ZBTB38: variants seen among roughly 807,000 people sequenced by gnomAD.
The protein encoded by ZBTB38 is zinc finger and BTB domain containing 38.
A neutral mutation model predicts 76.8 loss-of-function variants in ZBTB38; 20 were observed. That is an observed-to-expected ratio of 0.26 (90% CI 0.18 to 0.38). The LOEUF is 0.38. ZBTB38 is among the 10% of genes least tolerant of loss of function. The pLI is 1.00. For missense variants in ZBTB38, 1,082 were observed against 1,482.3 expected, an observed-to-expected ratio of 0.73 and a Z score of 4.43; for synonymous variants, 504 against 544.2, an observed-to-expected ratio of 0.93 and a Z score of 1.03.
chr3:141,443,254 AC>A lies in ZBTB38; in HGVS notation c.867del (p.Leu290Ter). On this transcript the variant is annotated frameshift_variant, in exon 6 of 6. Coordinates refer to ENST00000321464, the MANE Select transcript of ZBTB38 (RefSeq NM_001376113.1). LOFTEE classifies it high-confidence loss of function. This position sits in a 1 kb window ranked among gnomAD's most constrained non-coding sequence, Gnocchi z 5.6. ...AATATACCACCCCCTCCAGTATCCA[AC>A]TTAGAGGTTAATCAAGAAAGAAGTC... ...TENIPPPPVS[N>X]LEVNQERSPQ... 6.2e-7 allele frequency: 1 copy of A among 1,614,188 alleles called. No homozygotes were observed. Among genetic ancestry groups the A allele is most frequent in the Middle Eastern group, 1.6e-4 (1 of 6,062 alleles).
intron 5 of ZBTB38, among the ~76,000 whole-genome samples, chr3:141,416,820 A>G (rs922407457): frequency 6.6e-6 from 1 of 152,232 alleles, no homozygotes; most frequent in African/African-American, 2.4e-5. Context: ...CCACAGGCCA[A>G]GGAGAGACTG....
Position 141,328,438 on chromosome 3 carries a change from A to G in ZBTB38, c.-739+3982A>G, listed in dbSNP as rs531550893. On this transcript the variant is annotated intron_variant, in intron 1 of 7. Transcript: ENST00000509842. ...TTCTTAATCTCTCTTTCTGTGAATG[A>G]TGTCACCACCCCCTCATTTACTCAA... Among the ~76,000 whole-genome samples the G allele has an allele frequency of 2.0e-5, 3 of 152,264 alleles. No individual in the cohort carries two copies. In the East Asian group the frequency reaches 5.8e-4, roughly 29 times the overall value.
chr3:141,362,441 A>C (rs1283913864), intron 1 of ZBTB38, among the ~76,000 whole-genome samples: 1 of 152,132 alleles, frequency 6.6e-6, no homozygotes, highest in Non-Finnish European at 1.5e-5. Context: ...TATAGATAGC[A>C]TAAAATGACC....
chr3:141,349,314 T>G (rs1943454963), intron 1 of ZBTB38, among the ~76,000 whole-genome samples: 1 of 152,178 alleles, frequency 6.6e-6, no homozygotes, highest in Non-Finnish European at 1.5e-5. Context: ...AACACTGCAA[T>G]TAGTACATTA....
Position 141,445,281 on chromosome 3 carries a change from G to A in ZBTB38, c.2893G>A (p.Ala965Thr), listed in dbSNP as rs181837053. ...AGAACTGGATTGCGCCGTGGGGAAG[G>A]CTCCTCAGGATAAACCCTTTGAGGA... Reference protein sequence around the residue: ...PAELDCAVGKAPQDKPFEEEE... With the variant: ...PAELDCAVGKTPQDKPFEEEE... Residue 965 changes from alanine (A) to threonine (T), a missense_variant, in exon 6 of 6, where the codon GCT (alanine) becomes ACT (threonine). Transcript: ENST00000321464. This position sits in a 1 kb window ranked among gnomAD's most constrained non-coding sequence, Gnocchi z 6.5. 61 of 1,614,114 alleles carry A rather than the reference G, an allele frequency of 3.8e-5. No homozygotes were observed. Among genetic ancestry groups the A allele is most frequent in the East Asian group, 8.9e-5 (4 of 44,898 alleles).
At chr3:141,427,944 G>A (rs1255933466) in intron 5 of ZBTB38, 2 of 152,272 alleles carry the variant, frequency 1.3e-5, no homozygotes, top group African/African-American at 4.8e-5. Flanking sequence ...GGCAGACACA[G>A]ATTAATTACA....
At chr3:141,418,829 A>G (rs1194926856) in intron 5 of ZBTB38, among the ~76,000 whole-genome samples, 1 of 152,216 alleles carries the variant, frequency 6.6e-6, no homozygotes, top group Non-Finnish European at 1.5e-5. Flanking sequence ...TTCTCATTTT[A>G]AAGAACAAGT....
chr3:141,374,507 G>A (rs1010784500), intron 2 of ZBTB38, among the ~76,000 whole-genome samples: 2 of 152,134 alleles, frequency 1.3e-5, no homozygotes, highest in African/African-American at 4.8e-5. Flanking sequence ...AAGCCAGAGT[G>A]GAGAGAGTGG....
chr3:141,419,702 G>C (rs182492821), intron 5 of ZBTB38, among the ~76,000 whole-genome samples: 114 of 152,262 alleles, frequency 7.5e-4, no homozygotes, highest in Non-Finnish European at 1.5e-3. Flanking sequence ...AAAGAGATTT[G>C]TAGGCCAGGC....
At chr3:141,332,963 G>GA (rs36079580) in intron 1 of ZBTB38, among the ~76,000 whole-genome samples, 2 of 152,030 alleles carry the variant, frequency 1.3e-5, no homozygotes, top group African/African-American at 4.8e-5. Flanking sequence ...ATGGCACCAG[G>GA]AAAAAAATAC....
intron 1 of ZBTB38, among the ~76,000 whole-genome samples, chr3:141,327,385 T>C (rs991025170): frequency 6.6e-6 from 1 of 152,220 alleles, no homozygotes; most frequent in Admixed American, 6.5e-5. Context: ...CTTGATATGA[T>C]GTGACAGGAA....
Position 141,444,022 on chromosome 3 carries a change from T to C in ZBTB38, c.1634T>C (p.Leu545Pro), listed in dbSNP as rs771087235. 6.2e-7 allele frequency: 1 copy of C among 1,614,060 alleles called. No individual in the cohort carries two copies. Among genetic ancestry groups the C allele is most frequent in the Non-Finnish European group, 8.5e-7 (1 of 1,180,034 alleles). The change falls in exon 6 of 6, where the codon CTT becomes CCT. Residue 545 changes from leucine (L) to proline (P), a missense_variant. Leu to Pro is a moderately conservative substitution (Grantham distance 98). Around this residue, in one of 8 missense-constraint regions of ZBTB38, gnomAD observed 60 missense variants for 126.0 expected, o/e 0.48. Coordinates refer to ENST00000321464, the MANE Select transcript of ZBTB38 (RefSeq NM_001376113.1). The surrounding 1 kb of genome is among the most constrained non-coding windows in gnomAD (Gnocchi z 5.1). The part of the protein sequence containing the change: ...QKSFHAIDHR[L>P]SISKKTANGG... Reference sequence around the variant, plus strand: ...TCTTTCCATGCCATCGATCATAGACTTTCCATCAGTAAAAAAACAGCAAAT... The same window carrying C: ...TCTTTCCATGCCATCGATCATAGACCTTCCATCAGTAAAAAAACAGCAAAT...
rs1218364670 is a variant in ZBTB38, at chr3:141,447,712, A to G, written c.*1736A>G. 1 of 152,272 alleles carries G rather than the reference A, an allele frequency of 6.6e-6. No homozygotes were observed. The highest frequency in any genetic ancestry group is 2.4e-5 in the African/African-American group (1 of 41,464). 9.4% of individuals were successfully genotyped at this position (152,272 alleles called of 1,614,324 possible). On this transcript the variant is annotated 3_prime_UTR_variant, in exon 6 of 6. Transcript: ENST00000321464. The stretch of plus-strand genomic sequence containing the variant: ...GCTCAAAGGACTCCGGTTTCTGTCT[A>G]CAAGTGTGATGTCTCCATGAAGAAG...
chr3:141,416,363 G>GTAC (rs2074052962), intron 5 of ZBTB38, among the ~76,000 whole-genome samples: 1 of 152,194 alleles, frequency 6.6e-6, no homozygotes, highest in Non-Finnish European at 1.5e-5. Flanking sequence ...ATTCCGTGGA[G>GTAC]TACTCTCAGG....
intron 5 of ZBTB38, among the ~76,000 whole-genome samples, chr3:141,415,671 G>T (rs984294170): frequency 5.3e-5 from 8 of 152,214 alleles, no homozygotes; most frequent in African/African-American, 1.2e-4. Flanking sequence ...TAACTAGGAG[G>T]TGCATTGGAG....
rs546620316 is a variant in ZBTB38, at chr3:141,335,039, C to CTCTGCTGCCGACACTACCGCT, written c.-739+10594_-739+10614dup. ...GAATCTGCATGTCTGACACTACCGC[C>CTCTGCTGCCGACACTACCGCT]TCTGCTGCCGACACTACCGCTTCTG... On this transcript the variant is annotated intron_variant, in intron 1 of 7. Coordinates refer to the ZBTB38 transcript ENST00000509842. 1.8e-3 allele frequency among the ~76,000 whole-genome samples: 268 copies of CTCTGCTGCCGACACTACCGCT among 152,294 alleles called. 1 individual carries two copies. The highest frequency in any genetic ancestry group is 5.9e-3 in the African/African-American group (247 of 41,540).
intron 5 of ZBTB38, among the ~76,000 whole-genome samples, chr3:141,404,287 A>G (rs1445505215): frequency 6.6e-6 from 1 of 152,196 alleles, no homozygotes; most frequent in African/African-American, 2.4e-5. Flanking sequence ...GGGGTCTTTT[A>G]CATGTCTCTT....
chr3:141,415,953 T>C (rs1352114924), intron 5 of ZBTB38, among the ~76,000 whole-genome samples: 1 of 152,124 alleles, frequency 6.6e-6, no homozygotes, highest in Non-Finnish European at 1.5e-5. Context: ...TAAATAATTA[T>C]AATGTAGGAT....
Position 141,389,841 on chromosome 3 carries a change from T to A in ZBTB38, c.-106+2904T>A, listed in dbSNP as rs183336562. The A allele has an allele frequency of 3.3e-5, 5 of 152,350 alleles. No individual in the cohort carries two copies. The East Asian group carries it at 9.6e-4, about 29-fold the overall frequency. 9.4% of individuals were successfully genotyped at this position (152,350 alleles called of 1,614,324 possible). On this transcript the variant is annotated intron_variant, in intron 4 of 5. Coordinates refer to ENST00000321464, the MANE Select transcript of ZBTB38 (RefSeq NM_001376113.1). ...ACCATTAAAATGAATGCCTGATAGA[T>A]TCAACAGTGTATTTCTTCTTTATAG...
Sources: allele counts gnomAD v4.1 joint callset (sites outside exome capture counted in the v4.1 genomes callset), GRCh38; gene constraint gnomAD v4.1.1; regional missense constraint gnomAD v4.1.1; non-coding constraint Gnocchi (gnomAD v3.1); transcripts MANE v1.5; gene names NCBI Gene and HGNC (gene_info 2026-07-23, HGNC 2026-07-21).